The following LRP1B variants were observed in gnomAD, a reference collection of about 807,000 sequenced individuals.
LRP1B encodes the protein low-density lipoprotein receptor-related protein 1B.
A neutral mutation model predicts 556.6 loss-of-function variants in LRP1B; 217 were observed. That is an observed-to-expected ratio of 0.39 (90% CI 0.35 to 0.44). The LOEUF is 0.44. Among genes scored for constraint, LRP1B ranks in the 20% least tolerant of loss-of-function variants. The pLI, the probability that LRP1B is intolerant of heterozygous loss-of-function variation, is 1.00. For missense variants in LRP1B, 5,053 were observed against 5,620.8 expected (o/e 0.90, Z 3.23); for synonymous variants, 2,047 against 1,865.8 (o/e 1.10, Z -2.50).
intron 3 of LRP1B, among the ~76,000 whole-genome samples, chr2:141,329,655 A>AAAACAAAACAAAACAAAAC (rs769816988): frequency 1.4e-5 from 2 of 138,076 alleles, no homozygotes; most frequent in Non-Finnish European, 3.1e-5. Flanking sequence ...AAAAAAAAAA[A>AAAACAAAACAAAACAAAAC]AAAAAAAAAA....
chr2:141,256,166 G>A (rs1684455332), intron 3 of LRP1B, among the ~76,000 whole-genome samples: 1 of 152,006 alleles, frequency 6.6e-6, no homozygotes, highest in Admixed American at 6.6e-5. Context: ...GAATATGCAG[G>A]AAGATATCTG....
chr2:141,588,299 T>C (rs562934466), intron 2 of LRP1B, among the ~76,000 whole-genome samples: 1 of 151,866 alleles, frequency 6.6e-6, no homozygotes, highest in Admixed American at 6.6e-5. Flanking sequence ...AGTTGAAGGC[T>C]CCTCTTCATT....
chr2:140,843,473 T>G (rs1441288644), intron 29 of LRP1B, among the ~76,000 whole-genome samples: 1 of 152,170 alleles, frequency 6.6e-6, no homozygotes, highest in Non-Finnish European at 1.5e-5. Context: ...CTTAGCCTGC[T>G]TTTCCATATA....
At chr2:141,917,304 C>T (rs184381158) in intron 1 of LRP1B, among the ~76,000 whole-genome samples, 86 of 152,216 alleles carry the variant, frequency 5.6e-4, no homozygotes, top group Admixed American at 2.0e-3. Context: ...ATCCAAGGAA[C>T]GCTATTAACA....
intron 35 of LRP1B, among the ~76,000 whole-genome samples, chr2:140,727,509 A>T (rs771372940): frequency 1.1e-4 from 17 of 152,194 alleles, no homozygotes; most frequent in Non-Finnish European, 1.8e-4. Flanking sequence ...GTCATCAGGG[A>T]TTACTTCATG....
At chr2:140,974,789 A>G (rs1696542220) in intron 18 of LRP1B, among the ~76,000 whole-genome samples, 1 of 152,236 alleles carries the variant, frequency 6.6e-6, no homozygotes, top group Admixed American at 6.5e-5. Context: ...GAACCATTTC[A>G]TATAATAGGG....
intron 21 of LRP1B, among the ~76,000 whole-genome samples, chr2:140,921,095 T>G (rs529707474): frequency 1.2e-4 from 18 of 152,136 alleles, no homozygotes; most frequent in African/African-American, 4.1e-4. Context: ...ATCGTACTAT[T>G]TATTATTTAC....
chr2:140,526,484 C>A (rs929743088), intron 47 of LRP1B, 134 bp from the exon 48 acceptor site: 7 of 593,828 alleles, frequency 1.2e-5, no homozygotes, highest in South Asian at 8.2e-5. Context: ...CCAAACTTGA[C>A]CCCTGAACCC....
In LRP1B at chr2:140,514,722, A is replaced by G; in HGVS notation, c.8200T>C (p.Ser2734Pro). Residue 2734 changes from serine to proline, a missense_variant, in exon 51 of 91, where the codon TCT becomes CCT. By Grantham distance (74) the Ser-to-Pro change is moderately conservative (BLOSUM62 -1). Coordinates refer to ENST00000389484, the MANE Select transcript of LRP1B (RefSeq NM_018557.3). ...QFACSAQKCI[S>P]KHWICDGEDD... ...TCTCCATCACAAATCCAATGCTTAG[A>G]AATACATTTTTGTGCGGAACAAGCA... is the stretch of plus-strand genomic sequence containing the variant. 1 of 1,612,806 alleles carries G rather than the reference A, an allele frequency of 6.2e-7. No homozygotes were observed. Among genetic ancestry groups the G allele is most frequent in the Non-Finnish European group, 8.5e-7 (1 of 1,179,110 alleles).
intron 13 of LRP1B, among the ~76,000 whole-genome samples, chr2:141,014,808 A>T (rs954134335): frequency 6.6e-6 from 1 of 152,096 alleles, no homozygotes; most frequent in African/African-American, 2.4e-5. Context: ...AGTGTGTGAC[A>T]TTAGGTTCAA....
intron 1 of LRP1B, among the ~76,000 whole-genome samples, chr2:141,971,995 C>T (rs1210927829): frequency 6.6e-6 from 1 of 151,452 alleles, no homozygotes. Context: ...CATACCATCA[C>T]CATAAGTAAG....
chr2:140,640,862 A>G (rs1419410144), intron 41 of LRP1B, among the ~76,000 whole-genome samples: 1 of 152,212 alleles, frequency 6.6e-6, no homozygotes, highest in Non-Finnish European at 1.5e-5. Context: ...TGTTGAATGA[A>G]TAAACAATAA....
intron 7 of LRP1B, among the ~76,000 whole-genome samples, chr2:141,126,746 C>A (rs1027014319): frequency 1.3e-5 from 2 of 152,144 alleles, no homozygotes; most frequent in Non-Finnish European, 2.9e-5. Flanking sequence ...TCTCTCCAAA[C>A]ATTAAATTTA....
At chr2:140,517,942 G>A (rs981700501) in intron 49 of LRP1B, among the ~76,000 whole-genome samples, 2 of 151,728 alleles carry the variant, frequency 1.3e-5, no homozygotes, top group Admixed American at 6.6e-5. Context: ...AACTTCTGAC[G>A]TCATGATCCT....
chr2:141,251,679 G>C (rs1025173112), intron 4 of LRP1B, among the ~76,000 whole-genome samples: 1 of 152,026 alleles, frequency 6.6e-6, no homozygotes, highest in African/African-American at 2.4e-5. Flanking sequence ...ACTAGAAGAA[G>C]TAAAGTTCTT....
At chr2:141,926,150 C>T (rs1700329763) in intron 1 of LRP1B, among the ~76,000 whole-genome samples, 1 of 152,082 alleles carries the variant, frequency 6.6e-6, no homozygotes, top group Non-Finnish European at 1.5e-5. Context: ...AACATGCATA[C>T]AGAAAATAAA....
intron 2 of LRP1B, among the ~76,000 whole-genome samples, chr2:141,653,423 G>A (rs923147476): frequency 3.9e-5 from 6 of 152,136 alleles, no homozygotes; most frequent in Non-Finnish European, 7.3e-5. Flanking sequence ...TCATAGAAAA[G>A]AAAGCAACAA....
At chr2:141,777,672 C>T (rs1448255516) in intron 2 of LRP1B, among the ~76,000 whole-genome samples, 1 of 152,094 alleles carries the variant, frequency 6.6e-6, no homozygotes, top group Non-Finnish European at 1.5e-5. Context: ...ATCTCGGCCT[C>T]CCAAATTGCT....
rs779236546 is a variant in LRP1B, at chr2:140,442,492, A to T, written c.10414+12T>A. 1.2e-5 allele frequency: 20 copies of T among 1,609,818 alleles called. No homozygotes were observed. In the South Asian group the frequency reaches 2.0e-4, roughly 16 times the overall value. On this transcript the variant is annotated intron_variant, in intron 66 of 90. Transcript: ENST00000389484. ...ATACGGAGAGATAAGACCCAGAGTCACAGACACTCACCGCAGTTGGCCTCG... is the reference window on the plus strand; with the variant it reads ...ATACGGAGAGATAAGACCCAGAGTCTCAGACACTCACCGCAGTTGGCCTCG...
Sources: allele counts gnomAD v4.1 joint callset (sites outside exome capture counted in the v4.1 genomes callset), GRCh38; gene constraint gnomAD v4.1.1; transcripts MANE v1.5; gene names NCBI Gene and HGNC (gene_info 2026-07-23, HGNC 2026-07-21).